RNLS: variants seen among roughly 807,000 people sequenced by gnomAD.
The protein encoded by RNLS is renalase.
A neutral mutation model predicts 39.8 loss-of-function variants in RNLS; 39 were observed. That is an observed-to-expected ratio of 0.98 (90% CI 0.76 to 1.28). The LOEUF is 1.28. Ranked by LOEUF, RNLS falls within the 50% of genes most tolerant of loss-of-function variation. RNLS has a pLI of 0.00. For synonymous variants in RNLS, 147 were observed against 150.7 expected, an observed-to-expected ratio of 0.98 and a Z score of 0.18; for missense variants, 410 against 413.3, an observed-to-expected ratio of 0.99 and a Z score of 0.07.
intron 4 of RNLS, among the ~76,000 whole-genome samples, chr10:88,458,045 C>T (rs1232071236): frequency 6.6e-6 from 1 of 152,192 alleles, no homozygotes; most frequent in African/African-American, 2.4e-5. Flanking sequence ...GTAACATTTG[C>T]ATATTTTTAC....
chr10:88,357,388 T>C (rs1382792002), intron 5 of RNLS, among the ~76,000 whole-genome samples: 1 of 152,188 alleles, frequency 6.6e-6, no homozygotes, highest in Non-Finnish European at 1.5e-5. Context: ...GTATCTCACT[T>C]GTGGCACTAT....
intron 4 of RNLS, among the ~76,000 whole-genome samples, chr10:88,530,674 AT>A (rs1163386017): frequency 6.6e-6 from 1 of 152,032 alleles, no homozygotes; most frequent in Non-Finnish European, 1.5e-5. Context: ...CTCATACCTC[AT>A]TTTTTCCCTT....
At chr10:88,517,605 CCATT>C (rs1282453290) in intron 4 of RNLS, among the ~76,000 whole-genome samples, 1 of 151,700 alleles carries the variant, frequency 6.6e-6, no homozygotes, top group Non-Finnish European at 1.5e-5. Flanking sequence ...CTTCCATGAG[CCATT>C]TATTCATCTA....
chr10:88,420,430 A>G (rs1003618932), intron 4 of RNLS, among the ~76,000 whole-genome samples: 1 of 152,220 alleles, frequency 6.6e-6, no homozygotes, highest in African/African-American at 2.4e-5. Context: ...CAGTTTTGGA[A>G]GCCAGAAGTC....
At chr10:88,533,775 A>C (rs937881287) in intron 4 of RNLS, among the ~76,000 whole-genome samples, 1 of 152,128 alleles carries the variant, frequency 6.6e-6, no homozygotes, top group Non-Finnish European at 1.5e-5. Context: ...AGGTTTGGTG[A>C]GGACAGTGAT....
At chr10:88,576,013 C>T (rs2134467546) in intron 3 of RNLS, among the ~76,000 whole-genome samples, 1 of 152,268 alleles carries the variant, frequency 6.6e-6, no homozygotes, top group Admixed American at 6.5e-5. Context: ...CATCATTCAG[C>T]TCTCAGCCTA....
intron 4 of RNLS, among the ~76,000 whole-genome samples, chr10:88,534,001 A>T (rs1413305955): frequency 6.6e-6 from 1 of 152,120 alleles, no homozygotes; most frequent in African/African-American, 2.4e-5. Flanking sequence ...AGAAGAAATA[A>T]CTAACAAAGA....
chr10:88,427,973 T>C (rs1016866689), intron 4 of RNLS, among the ~76,000 whole-genome samples: 4 of 151,876 alleles, frequency 2.6e-5, no homozygotes, highest in Admixed American at 2.6e-4. Flanking sequence ...TAGGAGACAG[T>C]AGAGTGGAAA....
At chr10:88,177,242 T>A in the RNLS span, among the ~76,000 whole-genome samples, 1 of 152,218 alleles carries the variant, frequency 6.6e-6, no homozygotes, top group Admixed American at 6.5e-5. Context: ...ATGGTGTCCG[T>A]ATGTCCCATA....
At chr10:88,280,561 T>A (rs1486336319), downstream of RNLS, among the ~76,000 whole-genome samples, 10 of 152,088 alleles carry the variant, frequency 6.6e-5, no homozygotes, top group Admixed American at 1.3e-4. Flanking sequence ...CAGTAAACAT[T>A]TTCTTAAAGG....
intron 4 of RNLS, among the ~76,000 whole-genome samples, chr10:88,392,488 C>T (rs79093802): frequency 6.6e-6 from 1 of 152,142 alleles, no homozygotes; most frequent in South Asian, 2.1e-4. Flanking sequence ...GCACACAGAG[C>T]CCTTAGGCAA....
chr10:88,455,264 G>GA (rs11432575), intron 4 of RNLS, among the ~76,000 whole-genome samples: 80,687 of 150,878 alleles, frequency 0.53, 22,449 homozygotes, highest in African/African-American at 0.71. Context: ...AAAGTAAAGG[G>GA]AAAAAAAAAT....
intron 4 of RNLS, among the ~76,000 whole-genome samples, chr10:88,375,409 A>G (rs1052343664): frequency 2.6e-5 from 4 of 152,192 alleles, no homozygotes; most frequent in Non-Finnish European, 4.4e-5. Context: ...CTTTTTGTTA[A>G]TAACCAATGT....
chr10:88,308,801 T>C (rs1845130584), intron 6 of RNLS, among the ~76,000 whole-genome samples: 1 of 152,192 alleles, frequency 6.6e-6, no homozygotes, highest in South Asian at 2.1e-4. Flanking sequence ...AGTTGTTCTA[T>C]TATAAGATAC....
intron 4 of RNLS, among the ~76,000 whole-genome samples, chr10:88,419,223 A>G (rs1854229920): frequency 6.6e-6 from 1 of 152,240 alleles, no homozygotes; most frequent in Admixed American, 6.5e-5. Flanking sequence ...CTTGCTGTGC[A>G]AATGGTATTT....
chr10:88,354,797 C>A (rs558180976), intron 5 of RNLS, among the ~76,000 whole-genome samples: 9 of 152,308 alleles, frequency 5.9e-5, no homozygotes, highest in African/African-American at 1.9e-4. Flanking sequence ...TGGATAACAT[C>A]CTGCAGAGTG....
chr10:88,431,635 G>C (rs1332974929), intron 4 of RNLS, among the ~76,000 whole-genome samples: 1 of 151,520 alleles, frequency 6.6e-6, no homozygotes, highest in African/African-American at 2.4e-5. Flanking sequence ...CCAACATATT[G>C]GTTTAGCAGT....
At chr10:88,310,801 CAAA>C (rs577838661) in intron 6 of RNLS, among the ~76,000 whole-genome samples, 3,987 of 19,484 alleles carry the variant, frequency 0.2, 176 homozygotes, top group Non-Finnish European at 0.29. Context: ...CTACCTCTGC[CAAA>C]AAAAAAAAAA....
chr10:88,405,223 TGCAGATACAATTCTG>T (rs1853184652), intron 4 of RNLS, among the ~76,000 whole-genome samples: 1 of 152,062 alleles, frequency 6.6e-6, no homozygotes, highest in Non-Finnish European at 1.5e-5. Flanking sequence ...ATTGGTTTGG[TGCAGATACAATTCTG>T]GCAGATACAA....
Sources: gnomAD v4.1 joint callset for allele counts (sites outside exome capture counted in the v4.1 genomes callset) on GRCh38, gnomAD v4.1.1 for gene constraint, MANE v1.5 for transcripts, NCBI Gene and HGNC (gene_info 2026-07-23, HGNC 2026-07-21) for gene names.